FOXP2: variants seen among roughly 807,000 people sequenced by gnomAD.
The protein encoded by FOXP2 is forkhead box P2.
In FOXP2, 12 loss-of-function variants were observed where a neutral mutation model predicts 115.8. The ratio of observed to expected loss-of-function variants is 0.10; its 90% CI spans 0.07 to 0.17. The LOEUF is 0.17. Ranked by LOEUF, FOXP2 falls within the 10% of genes least tolerant of loss-of-function variation. The probability of loss-of-function intolerance (pLI) is 1.00; values close to 1 mark genes in which losing one functional copy is unlikely to be tolerated. For missense variants in FOXP2, 629 were observed against 843.5 expected (o/e 0.75, Z 3.15); for synonymous variants, 328 against 297.7 (o/e 1.10, Z -1.05).
At chr7:114,265,315 C>T (rs1454762810) in intron 1 of FOXP2, among the ~76,000 whole-genome samples, 2 of 152,154 alleles carry the variant, frequency 1.3e-5, no homozygotes, top group Non-Finnish European at 2.9e-5. Flanking sequence ...GGCTACAGGT[C>T]TCAGGTGAGT....
intron 2 of FOXP2, among the ~76,000 whole-genome samples, chr7:114,290,988 G>T (rs970024601): frequency 1.3e-5 from 2 of 152,044 alleles, no homozygotes; most frequent in Non-Finnish European, 2.9e-5. Context: ...AGGCCACATG[G>T]AAAATACCCT....
chr7:114,480,741 GTATGTATGTATACGTATA>G (rs1796498731), intron 2 of FOXP2, among the ~76,000 whole-genome samples: 1 of 149,856 alleles, frequency 6.7e-6, no homozygotes, highest in Admixed American at 6.7e-5. Flanking sequence ...GTATATATGT[GTATGTATGTATACGTATA>G]TATATACGTA....
chr7:114,350,954 C>T (rs868044528), intron 2 of FOXP2, among the ~76,000 whole-genome samples: 8 of 152,128 alleles, frequency 5.3e-5, no homozygotes, highest in South Asian at 2.1e-4. Context: ...TATATTTCAT[C>T]ATCTCTAGAC....
chr7:114,297,129 C>T (rs187016370), intron 2 of FOXP2: 149 of 478,318 alleles, frequency 3.1e-4, no homozygotes, highest in Non-Finnish European at 5.8e-4. Context: ...TTCTTGGCAG[C>T]GACTTTCCTC....
intron 1 of FOXP2, among the ~76,000 whole-genome samples, chr7:114,123,951 C>T (rs926540217): frequency 3.9e-5 from 6 of 152,076 alleles, no homozygotes; most frequent in East Asian, 1.9e-4. Context: ...ACTTGATGCT[C>T]GTCTTCTCTA....
intron 1 of FOXP2, among the ~76,000 whole-genome samples, chr7:114,281,540 T>G (rs117476338): frequency 2.0e-3 from 312 of 152,316 alleles, no homozygotes; most frequent in Non-Finnish European, 3.8e-3. Context: ...TGTCCCAGCA[T>G]TAGACTTTTC....
At chr7:114,088,285 G>A (rs1449201623) in intron 1 of FOXP2, 1 of 152,804 alleles carries the variant, frequency 6.5e-6, no homozygotes. Flanking sequence ...GTTCTCAGAG[G>A]AGGATGGAGG....
rs551822239 is a variant in FOXP2 at position 114,681,980 on chromosome 7, G to A, written c.2004-7802G>A. Among the ~76,000 whole-genome samples, 13 of 152,114 alleles carry A rather than the reference G, an allele frequency of 8.5e-5. 1 individual carries two copies. Among genetic ancestry groups the A allele is most frequent in the Admixed American group, 5.9e-4 (9 of 15,286 alleles). Reference sequence around the variant, plus strand: ...TTATACCATACTTTCTTCCAAAAAAGGTTATAAGGTTATTATATATTATGA... The same window carrying A: ...TTATACCATACTTTCTTCCAAAAAAAGTTATAAGGTTATTATATATTATGA... On this transcript the variant is annotated intron_variant, in intron 16 of 16. Coordinates refer to ENST00000350908, the MANE Select transcript of FOXP2 (RefSeq NM_014491.4).
chr7:114,631,394 G>A, intron 5 of FOXP2, 134 bp from the exon 6 acceptor site: 1 of 1,431,010 alleles, frequency 7.0e-7, no homozygotes, highest in Non-Finnish European at 9.5e-7. Context: ...CTCACATTCT[G>A]CCCCTGAACT....
At chr7:114,218,561 G>T (rs749454786) in intron 1 of FOXP2, among the ~76,000 whole-genome samples, 4 of 152,110 alleles carry the variant, frequency 2.6e-5, no homozygotes, top group African/African-American at 9.7e-5. Context: ...AAGACAGAAA[G>T]CTCATCAAGA....
At position 114,399,838 on chromosome 7, in the gene FOXP2, A is replaced by G. The variant is rs940389199; in HGVS notation, c.-10-26664A>G. The stretch of plus-strand genomic sequence containing the variant: ...CAAACCTTAATTTCGAAGTGTCAAA[A>G]TCATCATTTTCTTTTTTTTTTTTTT... On this transcript the variant is annotated intron_variant, in intron 2 of 17. Transcript: ENST00000634411. Among the ~76,000 whole-genome samples the G allele has an allele frequency of 4.0e-5, 6 of 151,710 alleles. No homozygotes were observed. In the South Asian group the frequency reaches 1.0e-3, roughly 26 times the overall value.
rs369665749 is a variant in FOXP2, at chr7:114,380,122, C to A, written c.-10-46380C>A. Reference sequence around the variant, plus strand: ...TGGCGGTTCCCTTCTATTTCCCTTTCCTTTCCTTTCTGATGACCCCGGCAG... The same window carrying A: ...TGGCGGTTCCCTTCTATTTCCCTTTACTTTCCTTTCTGATGACCCCGGCAG... On this transcript the variant is annotated intron_variant, in intron 2 of 17. Transcript: ENST00000634411. 4.5e-3 allele frequency among the ~76,000 whole-genome samples: 692 copies of A among 152,274 alleles called. 2 individuals carry two copies. The highest frequency in any genetic ancestry group is 0.016 in the South Asian group (75 of 4,824).
intron 2 of FOXP2, among the ~76,000 whole-genome samples, chr7:114,513,590 T>A (rs1377883165): frequency 1.3e-5 from 2 of 152,122 alleles, no homozygotes; most frequent in Admixed American, 1.3e-4. Context: ...GTAGTAGATG[T>A]CCTCAGTGAA....
chr7:114,282,741 A>G (rs1405825816), intron 1 of FOXP2, among the ~76,000 whole-genome samples: 5 of 152,174 alleles, frequency 3.3e-5, no homozygotes. Context: ...GGTAATTATA[A>G]TGGGCACTGT....
intron 1 of FOXP2, among the ~76,000 whole-genome samples, chr7:114,256,564 A>C (rs1795619008): frequency 6.6e-6 from 1 of 152,084 alleles, no homozygotes; most frequent in Admixed American, 6.5e-5. Context: ...TTTGTCTTGT[A>C]AATTTGCTTA....
chr7:114,339,990 A>C (rs1242644640), intron 2 of FOXP2, among the ~76,000 whole-genome samples: 1 of 151,208 alleles, frequency 6.6e-6, no homozygotes. Context: ...TGGCACAATA[A>C]AAATATTTAA....
chr7:114,330,869 G>A (rs1439075053), intron 2 of FOXP2, among the ~76,000 whole-genome samples: 1 of 152,190 alleles, frequency 6.6e-6, no homozygotes, highest in Non-Finnish European at 1.5e-5. Context: ...GTGCAGCACT[G>A]TTTATAACAA....
At chr7:114,572,565 G>C (rs1300333045) in intron 3 of FOXP2, among the ~76,000 whole-genome samples, 1 of 151,640 alleles carries the variant, frequency 6.6e-6, no homozygotes, top group Non-Finnish European at 1.5e-5. Context: ...ACTTAATAAA[G>C]AAAATTAACT....
chr7:114,511,493 C>T (rs1318180218), intron 2 of FOXP2, among the ~76,000 whole-genome samples: 2 of 152,020 alleles, frequency 1.3e-5, no homozygotes, highest in Non-Finnish European at 2.9e-5. Flanking sequence ...TGAGTGTGAG[C>T]ATTGGGGGAA....
Sources: gnomAD v4.1 joint callset for allele counts (sites outside exome capture counted in the v4.1 genomes callset) on GRCh38, gnomAD v4.1.1 for gene constraint, MANE v1.5 for transcripts, NCBI Gene and HGNC (gene_info 2026-07-23, HGNC 2026-07-21) for gene names.